The following SEL1L2 variants were observed in gnomAD, a reference collection of about 807,000 sequenced individuals.
The protein encoded by SEL1L2 is protein sel-1 homolog 2.
Under a neutral mutation model 98.8 loss-of-function variants are expected in SEL1L2, and 89 were observed. The ratio of observed to expected loss-of-function variants is 0.90; its 90% CI spans 0.76 to 1.07. The LOEUF is 1.07. SEL1L2 is among the 50% of genes least tolerant of loss of function. SEL1L2 has a pLI of 0.00. For synonymous variants in SEL1L2, 262 were observed against 278.5 expected (o/e 0.94, Z 0.59); for missense variants, 788 against 812.0 (o/e 0.97, Z 0.36).
intron 12 of SEL1L2, among the ~76,000 whole-genome samples, chr20:13,875,759 G>A (rs993210905): frequency 6.6e-6 from 1 of 152,188 alleles, no homozygotes; most frequent in African/African-American, 2.4e-5. Context: ...CTGCATAAGG[G>A]AGAGGGGAAA....
chr20:13,863,400 C>A (rs1417634135), intron 17 of SEL1L2, among the ~76,000 whole-genome samples: 3 of 152,180 alleles, frequency 2.0e-5, no homozygotes, highest in African/African-American at 7.2e-5. Context: ...AGACAGGCTC[C>A]TGTGGGGATC....
chr20:13,993,825 C>T (rs576026337), upstream of SEL1L2, among the ~76,000 whole-genome samples: 2 of 152,268 alleles, frequency 1.3e-5, no homozygotes, highest in Non-Finnish European at 2.9e-5. Context: ...TCTTCCTCAC[C>T]TTTCTTTCAA....
At chr20:13,910,705 C>G (rs2048174092) in intron 5 of SEL1L2, among the ~76,000 whole-genome samples, 1 of 152,138 alleles carries the variant, frequency 6.6e-6, no homozygotes, top group African/African-American at 2.4e-5. Context: ...TACATTCTTC[C>G]ACATGATTTT....
chr20:13,935,324 A>C (rs2049399421), intron 2 of SEL1L2, among the ~76,000 whole-genome samples: 1 of 152,148 alleles, frequency 6.6e-6, no homozygotes. Context: ...CAACCAACCA[A>C]ACAAACAAAG....
At chr20:13,929,113 G>C (rs2049016440) in intron 3 of SEL1L2, among the ~76,000 whole-genome samples, 1 of 152,160 alleles carries the variant, frequency 6.6e-6, no homozygotes, top group African/African-American at 2.4e-5. Context: ...TCCGCCTGTG[G>C]ATAGCAGCTT....
intron 18 of SEL1L2, among the ~76,000 whole-genome samples, chr20:13,857,138 A>G (rs1320223889): frequency 6.6e-6 from 1 of 152,122 alleles, no homozygotes; most frequent in Non-Finnish European, 1.5e-5. Context: ...ACAAAGGGCA[A>G]TGGTCCCTCA....
intron 3 of SEL1L2, among the ~76,000 whole-genome samples, chr20:13,931,358 T>A (rs2049137040): frequency 1.3e-5 from 2 of 152,020 alleles, no homozygotes; most frequent in Admixed American, 6.6e-5. Flanking sequence ...GCCCAGGGTG[T>A]GGAGGTTGCA....
chr20:13,947,554 A>G (rs953237914), intron 2 of SEL1L2, among the ~76,000 whole-genome samples: 8 of 151,916 alleles, frequency 5.3e-5, no homozygotes, highest in African/African-American at 1.9e-4. Flanking sequence ...GCAGGACAAG[A>G]ACTTGGGACC....
At chr20:13,861,756 G>C (rs181746298) in intron 17 of SEL1L2, among the ~76,000 whole-genome samples, 6 of 152,072 alleles carry the variant, frequency 3.9e-5, no homozygotes, top group Admixed American at 1.3e-4. Flanking sequence ...GACTCCTTAC[G>C]ACCTACAAGT....
intron 5 of SEL1L2, among the ~76,000 whole-genome samples, chr20:13,896,448 C>T (rs760329086): frequency 2.6e-5 from 4 of 151,732 alleles, no homozygotes; most frequent in Admixed American, 6.6e-5. Context: ...CCAGCCTGGG[C>T]GACAGAGTGG....
At chr20:13,866,315 CT>C (rs1339961421) in intron 15 of SEL1L2, among the ~76,000 whole-genome samples, 2 of 152,202 alleles carry the variant, frequency 1.3e-5, no homozygotes, top group Non-Finnish European at 2.9e-5. Flanking sequence ...ATGCTGCTTT[CT>C]GGGAAGAAGT....
intron 11 of SEL1L2, among the ~76,000 whole-genome samples, chr20:13,876,495 C>T (rs529751419): frequency 6.8e-5 from 10 of 148,064 alleles, no homozygotes; most frequent in Non-Finnish European, 1.0e-4. Context: ...TAATGCAAAT[C>T]GGCTGCAGGG....
intron 3 of SEL1L2, among the ~76,000 whole-genome samples, chr20:13,926,947 C>G (rs1182130932): frequency 1.3e-5 from 2 of 152,108 alleles, no homozygotes; most frequent in African/African-American, 4.8e-5. Context: ...CCTGTAGTGT[C>G]CCAGTGGCCT....
intron 2 of SEL1L2, among the ~76,000 whole-genome samples, chr20:13,944,746 C>CT (rs1204112027): frequency 2.6e-5 from 4 of 152,116 alleles, no homozygotes; most frequent in African/African-American, 7.2e-5. Flanking sequence ...AAACTGTTTC[C>CT]TTTTTTCAGT....
At chr20:13,931,252 G>A (rs565442703) in intron 3 of SEL1L2, among the ~76,000 whole-genome samples, 93 of 151,582 alleles carry the variant, frequency 6.1e-4, no homozygotes, top group African/African-American at 1.9e-3. Context: ...CTGTGGTCTC[G>A]ATCTCCTGAC....
At chr20:13,867,556 C>T (rs1227784529) in intron 14 of SEL1L2, among the ~76,000 whole-genome samples, 1 of 152,132 alleles carries the variant, frequency 6.6e-6, no homozygotes, top group African/African-American at 2.4e-5. Context: ...AGGCAAATTG[C>T]TTGAATTTGA....
At chr20:13,980,548 A>T (rs1030881673) in intron 1 of SEL1L2, among the ~76,000 whole-genome samples, 1 of 152,140 alleles carries the variant, frequency 6.6e-6, no homozygotes. Context: ...TGGGAATATA[A>T]ATTGGTACAG....
At chr20:13,987,622 A>T (rs1032365578) in intron 1 of SEL1L2, among the ~76,000 whole-genome samples, 2 of 152,086 alleles carry the variant, frequency 1.3e-5, no homozygotes, top group Non-Finnish European at 1.5e-5. Context: ...TGCTGGGATT[A>T]CAGGTGTGAG....
intron 1 of SEL1L2, among the ~76,000 whole-genome samples, chr20:13,983,794 T>C (rs1344739936): frequency 6.6e-6 from 1 of 151,962 alleles, no homozygotes; most frequent in Non-Finnish European, 1.5e-5. Context: ...GTGCTGGGAT[T>C]GTAGGTATGA....
Sources: gnomAD v4.1 joint callset for allele counts (sites outside exome capture counted in the v4.1 genomes callset) on GRCh38, gnomAD v4.1.1 for gene constraint, MANE v1.5 for transcripts, NCBI Gene and HGNC (gene_info 2026-07-23, HGNC 2026-07-21) for gene names.